The following ZNF385C variants were observed in gnomAD, a reference collection of about 807,000 sequenced individuals.
ZNF385C encodes zinc finger protein 385C.
Under a neutral mutation model 35.4 loss-of-function variants are expected in ZNF385C, and 28 were observed. The observed-to-expected ratio is 0.79, with a 90% CI of 0.59 to 1.08. The LOEUF (loss-of-function observed/expected upper bound fraction) is 1.08. ZNF385C is among the 50% of genes least tolerant of loss of function. The pLI is 0.00. For synonymous variants in ZNF385C, 248 were observed against 248.2 expected, an observed-to-expected ratio of 1.00 and a Z score of 0.01; for missense variants, 605 against 595.6, an observed-to-expected ratio of 1.02 and a Z score of -0.16.
At chr17:42,077,413 A>G (rs1473366839) in intron 1 of ZNF385C, among the ~76,000 whole-genome samples, 4 of 152,164 alleles carry the variant, frequency 2.6e-5, no homozygotes, top group African/African-American at 9.7e-5. Context: ...TGAGGCTCAG[A>G]GAGGTGAAGG....
At chr17:42,085,924 C>T (rs2053802487) in intron 1 of ZNF385C, among the ~76,000 whole-genome samples, 1 of 152,002 alleles carries the variant, frequency 6.6e-6, no homozygotes, top group South Asian at 2.1e-4. Flanking sequence ...AAAAATTAGC[C>T]AGGCATGGTG....
chr17:42,034,113 C>G (rs1555655185), intron 4 of ZNF385C, 112 bp downstream of exon 4: 1 of 861,654 alleles, frequency 1.2e-6, no homozygotes, highest in African/African-American at 1.7e-5. Flanking sequence ...AAAATACCGA[C>G]CACAGCCCCT....
At chr17:42,084,840 C>T (rs1415132306) in intron 1 of ZNF385C, among the ~76,000 whole-genome samples, 1 of 152,066 alleles carries the variant, frequency 6.6e-6, no homozygotes, top group Non-Finnish European at 1.5e-5. Flanking sequence ...TGATCTTGAA[C>T]ACCTGAGCTC....
chr17:42,094,173 G>A (rs782259235), intron 1 of ZNF385C, among the ~76,000 whole-genome samples: 122 of 151,632 alleles, frequency 8.0e-4, no homozygotes, highest in Non-Finnish European at 1.4e-3. Context: ...AGTAGAGACG[G>A]GGGTTCACCA....
chr17:42,026,555 C>T lies in ZNF385C; in HGVS notation c.*342G>A. On this transcript the variant is annotated 3_prime_UTR_variant, in exon 9 of 9. Coordinates refer to ENST00000692273, the MANE Select transcript of ZNF385C (RefSeq NM_001392013.1). ...TCGTCCCCTGGCTAGGAGAGGATGG[C>T]TTGTAGAAGCTAAGATTCCTAGAGT... is the stretch of plus-strand genomic sequence containing the variant. 2 of 351,682 alleles carry T rather than the reference C, an allele frequency of 5.7e-6. No individual in the cohort carries two copies. The highest frequency in any genetic ancestry group is 1.1e-5 in the Non-Finnish European group (2 of 188,042). The allele number at this position is 351,682 out of a possible 1,614,324, so 21.8% of individuals were successfully genotyped here. A position where few individuals can be genotyped will look rare whatever the true frequency, so the allele number is the denominator to read the frequency against.
intron 1 of ZNF385C, among the ~76,000 whole-genome samples, chr17:42,093,984 C>CT (rs782233998): frequency 0.019 from 2,653 of 137,394 alleles, 80 homozygotes; most frequent in African/African-American, 0.062. Flanking sequence ...GCATTATCAC[C>CT]TTTTTTTTTT....
At chr17:42,043,271 A>G (rs2053071272) in intron 2 of ZNF385C, 11 of 1,232,152 alleles carry the variant, frequency 8.9e-6, no homozygotes, top group Admixed American at 4.2e-5. Context: ...TCATAGTCAA[A>G]GTCCAGCCAG....
At chr17:42,056,169 G>C (rs2053372448) in intron 2 of ZNF385C, among the ~76,000 whole-genome samples, 2 of 152,226 alleles carry the variant, frequency 1.3e-5, no homozygotes, top group Admixed American at 1.3e-4. Flanking sequence ...GGCCCACTCT[G>C]AATTGGATGA....
In ZNF385C at chr17:42,027,001, C is replaced by T; in HGVS notation, c.1408G>A (p.Ala470Thr). ...PLALRPAPTA[A>T]TTLFPAPILG... is the part of the protein sequence containing the mutation. ...ATGGGAGCCGGGAAGAGGGTAGTGG[C>T]TGCTGTAGGGGCAGGGCGGAGGGCC... Residue 470 changes from alanine to threonine, a missense_variant, in exon 9 of 9, where the codon GCC (alanine) becomes ACC (threonine). Coordinates refer to ENST00000692273, the MANE Select transcript of ZNF385C (RefSeq NM_001392013.1). 6.2e-7 allele frequency: 1 copy of T among 1,609,622 alleles called. No homozygotes were observed. Among genetic ancestry groups the T allele is most frequent in the Non-Finnish European group, 8.5e-7 (1 of 1,177,880 alleles).
chr17:42,035,084 A>C (rs1448690342), intron 3 of ZNF385C, among the ~76,000 whole-genome samples: 1 of 126,734 alleles, frequency 7.9e-6, no homozygotes, highest in African/African-American at 3.0e-5. Context: ...GCGCCACTGC[A>C]CTCCAGCCTG....
At chr17:42,070,118 G>C (rs1483160771) in intron 1 of ZNF385C, among the ~76,000 whole-genome samples, 2 of 152,162 alleles carry the variant, frequency 1.3e-5, no homozygotes, top group African/African-American at 4.8e-5. Flanking sequence ...GCCGAGGCGG[G>C]CGGATCATGA....
At chr17:42,028,010 C>T (rs2052633514) in intron 7 of ZNF385C, 40 bp downstream of exon 7, 2 of 1,555,586 alleles carry the variant, frequency 1.3e-6, no homozygotes, top group East Asian at 2.2e-5. Context: ...CCAACCCCCT[C>T]CCCTGGCTCC....
intron 2 of ZNF385C, among the ~76,000 whole-genome samples, chr17:42,052,036 T>G (rs1454938074): frequency 1.3e-5 from 2 of 152,188 alleles, no homozygotes; most frequent in African/African-American, 4.8e-5. Context: ...TTCTGCACCC[T>G]GAAAGGGTCA....
chr17:42,090,001 C>A (rs1555660394), intron 1 of ZNF385C, among the ~76,000 whole-genome samples: 1 of 152,142 alleles, frequency 6.6e-6, no homozygotes, highest in African/African-American at 2.4e-5. Context: ...GTCAAAATAT[C>A]CGTAGTGGTT....
chr17:42,038,347 G>A (rs1227960166), intron 2 of ZNF385C: 1 of 392,238 alleles, frequency 2.5e-6, no homozygotes, highest in East Asian at 5.1e-5. Flanking sequence ...CAGATCCCCA[G>A]GATTTCATGG....
intron 2 of ZNF385C, among the ~76,000 whole-genome samples, chr17:42,052,576 G>GCATA (rs376703354): frequency 2.1e-4 from 32 of 152,330 alleles, no homozygotes; most frequent in African/African-American, 7.7e-4. Flanking sequence ...GAGCATGCAT[G>GCATA]CATACACAGA....
intron 1 of ZNF385C, among the ~76,000 whole-genome samples, chr17:42,080,824 C>A (rs2143927540): frequency 6.6e-6 from 1 of 152,340 alleles, no homozygotes. Context: ...AGCTTCCAAG[C>A]AGCTTCCCAC....
intron 1 of ZNF385C, among the ~76,000 whole-genome samples, chr17:42,063,920 G>A (rs1453252986): frequency 2.0e-5 from 3 of 152,090 alleles, no homozygotes; most frequent in African/African-American, 7.2e-5. Context: ...CCCAACCCCT[G>A]CTCCACGTGG....
chr17:42,032,399 G>A (rs577505727), intron 4 of ZNF385C, among the ~76,000 whole-genome samples: 15 of 152,250 alleles, frequency 9.9e-5, no homozygotes, highest in African/African-American at 3.6e-4. Context: ...CTCTGAGCCT[G>A]AGTCTCCTCA....
Sources: allele counts gnomAD v4.1 joint callset (sites outside exome capture counted in the v4.1 genomes callset), GRCh38; gene constraint gnomAD v4.1.1; transcripts MANE v1.5; gene names NCBI Gene and HGNC (gene_info 2026-07-23, HGNC 2026-07-21).